Variants in PGM5 observed in about 807,000 individuals in gnomAD.
The protein encoded by PGM5 is phosphoglucomutase-like protein 5.
In PGM5, 23 loss-of-function variants were observed where a neutral mutation model predicts 59.2. That is an observed-to-expected ratio of 0.39 (90% CI 0.28 to 0.55). The LOEUF is 0.55. PGM5 is among the 20% of genes least tolerant of loss of function. The probability of loss-of-function intolerance (pLI) is 0.66; values close to 1 mark genes in which losing one functional copy is unlikely to be tolerated. For synonymous variants in PGM5, 214 were observed against 286.0 expected (o/e 0.75, Z 2.54); for missense variants, 574 against 748.3 (o/e 0.77, Z 2.72).
intron 10 of PGM5, among the ~76,000 whole-genome samples, chr9:68,516,347 G>A (rs1824823876): frequency 6.6e-6 from 1 of 152,144 alleles, no homozygotes; most frequent in South Asian, 2.1e-4. Context: ...CTAGTAGAAG[G>A]TGTGGTCTCT....
At chr9:68,515,966 A>G (rs144080486) in intron 10 of PGM5, among the ~76,000 whole-genome samples, 37 of 152,296 alleles carry the variant, frequency 2.4e-4, no homozygotes, top group Non-Finnish European at 4.7e-4. Flanking sequence ...CTTGCCCCGT[A>G]TGGGGGCTAG....
chr9:68,504,307 AG>A (rs1554688858), intron 10 of PGM5, among the ~76,000 whole-genome samples: 1 of 152,158 alleles, frequency 6.6e-6, no homozygotes, highest in African/African-American at 2.4e-5. Flanking sequence ...TCTCCATCTC[AG>A]TAAATGGCAG....
At chr9:68,409,056 C>G (rs545020982) in intron 6 of PGM5, among the ~76,000 whole-genome samples, 1 of 152,012 alleles carries the variant, frequency 6.6e-6, no homozygotes, top group Non-Finnish European at 1.5e-5. Flanking sequence ...CTTGGCGATG[C>G]GGGCTCTTTT....
intron 6 of PGM5, among the ~76,000 whole-genome samples, chr9:68,442,934 G>A (rs1554683781): frequency 6.6e-6 from 1 of 152,178 alleles, no homozygotes; most frequent in African/African-American, 2.4e-5. Flanking sequence ...ATCATCTAGA[G>A]CTGTCATATA....
At chr9:68,381,808 C>CA (rs1175945981) in intron 2 of PGM5, among the ~76,000 whole-genome samples, 5 of 151,422 alleles carry the variant, frequency 3.3e-5, no homozygotes, top group Non-Finnish European at 5.9e-5. Flanking sequence ...ATGATAGCAT[C>CA]AAAAAAATAC....
chr9:68,493,924 T>A (rs782016423), intron 9 of PGM5, among the ~76,000 whole-genome samples: 3 of 152,222 alleles, frequency 2.0e-5, no homozygotes, highest in Admixed American at 6.5e-5. Context: ...TATCAATCAT[T>A]CTTCACTGGG....
Position 68,379,829 on chromosome 9 carries a change from C to T in PGM5, c.424+1468C>T, listed in dbSNP as rs1164233827. Reference sequence around the variant, plus strand: ...TACTTATATCAGATAAAACAGACTTCCAGTAAAAAGCTGTTCCAAGAGACA... The same window carrying T: ...TACTTATATCAGATAAAACAGACTTTCAGTAAAAAGCTGTTCCAAGAGACA... On this transcript the variant is annotated intron_variant, in intron 2 of 10. Coordinates refer to ENST00000396396, the MANE Select transcript of PGM5 (RefSeq NM_021965.4). Among the ~76,000 whole-genome samples, 7 of 151,888 alleles carry T rather than the reference C, an allele frequency of 4.6e-5. No homozygotes were observed. In the East Asian group the frequency reaches 1.3e-3, roughly 29 times the overall value.
chr9:68,453,676 T>G (rs927097084), intron 6 of PGM5, among the ~76,000 whole-genome samples: 2 of 152,246 alleles, frequency 1.3e-5, no homozygotes, highest in African/African-American at 2.4e-5. Context: ...TGTATTTGCT[T>G]CCACTGGTAT....
At chr9:68,487,458 G>A (rs542067398) in intron 9 of PGM5, among the ~76,000 whole-genome samples, 1,002 of 90,712 alleles carry the variant, frequency 0.011, 34 homozygotes, top group Admixed American at 0.08. Context: ...TGTGTCACAC[G>A]CACATACACA....
chr9:68,410,249 G>A (rs1554681513), intron 6 of PGM5, among the ~76,000 whole-genome samples: 1 of 148,412 alleles, frequency 6.7e-6, no homozygotes, highest in Admixed American at 6.9e-5. Flanking sequence ...ACTTAATGAT[G>A]TGGCCACACA....
At chr9:68,489,221 A>C (rs892876645) in intron 9 of PGM5, among the ~76,000 whole-genome samples, 11 of 152,192 alleles carry the variant, frequency 7.2e-5, no homozygotes, top group African/African-American at 2.4e-4. Flanking sequence ...GATAGAAGGA[A>C]TACTCCAATC....
intron 6 of PGM5, chr9:68,394,469 C>G (rs558802224): frequency 2.5e-4 from 38 of 152,294 alleles, no homozygotes; most frequent in African/African-American, 8.9e-4. Flanking sequence ...GAGTGAAACT[C>G]TGTCTCAACA....
chr9:68,499,319 G>A lies in PGM5; in HGVS notation c.1572G>A (p.Glu524=). 1 of 1,614,154 alleles carries A rather than the reference G, an allele frequency of 6.2e-7. No homozygotes were observed. Among genetic ancestry groups the A allele is most frequent in the Non-Finnish European group, 8.5e-7 (1 of 1,180,012 alleles). Residue 524 remains glutamate (E), a synonymous_variant, in exon 10 of 11, where the codon GAG becomes GAA. Coordinates refer to ENST00000396396, the MANE Select transcript of PGM5 (RefSeq NM_021965.4). ...GGGCCACCCTCAGACTGTACGCAGA[G>A]AGCTACGAGAGGGATCCCAGCGGCC... is the stretch of plus-strand genomic sequence containing the variant. ...GVRATLRLYA[E]SYERDPSGHD...
intron 6 of PGM5, among the ~76,000 whole-genome samples, chr9:68,423,655 GTCTCTCTCTCTCTC>G (rs111849049): frequency 1.4e-5 from 2 of 145,822 alleles, no homozygotes; most frequent in Non-Finnish European, 3.0e-5. Flanking sequence ...CTCTCTCTCT[GTCTCTCTCTCTCTC>G]TCTCTCTCTC....
intron 1 of PGM5, among the ~76,000 whole-genome samples, chr9:68,364,165 T>C (rs1439227491): frequency 2.0e-5 from 3 of 151,914 alleles, no homozygotes; most frequent in African/African-American, 7.2e-5. Flanking sequence ...TCTCAGTGTC[T>C]TGTGAACTAG....
At chr9:68,367,284 T>C (rs1356533992) in intron 1 of PGM5, among the ~76,000 whole-genome samples, 1 of 150,990 alleles carries the variant, frequency 6.6e-6, no homozygotes, top group African/African-American at 2.4e-5. Context: ...AGGCTCAGGC[T>C]GTGTTAAGAG....
intron 10 of PGM5, among the ~76,000 whole-genome samples, chr9:68,518,154 G>A (rs1453719268): frequency 1.3e-5 from 2 of 152,212 alleles, no homozygotes; most frequent in African/African-American, 2.4e-5. Context: ...ATCAAAGGCA[G>A]AGATCCTGGC....
chr9:68,363,684 T>C (rs1271660053), intron 1 of PGM5, among the ~76,000 whole-genome samples: 3 of 152,310 alleles, frequency 2.0e-5, no homozygotes, highest in Non-Finnish European at 4.4e-5. Flanking sequence ...AGCTCTGCCA[T>C]ATATTGACCA....
rs1431330938 is a variant in PGM5 at position 68,356,687 on chromosome 9, C to T, written c.-441C>T. ...CTCTGCCCAAAGTCTCGCCGCCCGC[C>T]GGCTGTTTTCTGGCGGAGGGTGTGC... On this transcript the variant is annotated 5_prime_UTR_variant, in exon 1 of 11. Coordinates refer to ENST00000396396, the MANE Select transcript of PGM5 (RefSeq NM_021965.4). Among the ~76,000 whole-genome samples the T allele has an allele frequency of 6.6e-6, 1 of 152,270 alleles. No individual in the cohort carries two copies. The highest frequency in any genetic ancestry group is 1.5e-5 in the Non-Finnish European group (1 of 68,048).
Sources: gnomAD v4.1 joint callset for allele counts (sites outside exome capture counted in the v4.1 genomes callset) on GRCh38, gnomAD v4.1.1 for gene constraint, MANE v1.5 for transcripts, NCBI Gene and HGNC (gene_info 2026-07-23, HGNC 2026-07-21) for gene names.